The following SEMA4D variants were observed in gnomAD, a reference collection of about 807,000 sequenced individuals.
The protein encoded by SEMA4D is semaphorin 4D.
A neutral mutation model predicts 74.8 loss-of-function variants in SEMA4D; 22 were observed. The observed-to-expected ratio is 0.29, with a 90% CI of 0.21 to 0.42. The LOEUF (loss-of-function observed/expected upper bound fraction) is 0.42, where lower values mean the gene tolerates loss of function less well. Ranked by LOEUF, SEMA4D falls within the 10% of genes least tolerant of loss-of-function variation. SEMA4D has a pLI of 1.00. For missense variants in SEMA4D, 937 were observed against 1,118.4 expected, an observed-to-expected ratio of 0.84 and a Z score of 2.31; for synonymous variants, 445 against 463.7, an observed-to-expected ratio of 0.96 and a Z score of 0.52.
intron 8 of SEMA4D, 85 bp downstream of exon 8, chr9:89,392,338 C>G: frequency 9.0e-7 from 1 of 1,112,896 alleles, no homozygotes; most frequent in Admixed American, 1.9e-5. Context: ...GCCCCCAGGG[C>G]TCAGAGACAG....
At chr9:89,363,364 TGGATGTGGCA>T (rs1435441574) in intron 18 of SEMA4D, 2 of 1,594,732 alleles carry the variant, frequency 1.3e-6, no homozygotes, top group Non-Finnish European at 1.7e-6. Flanking sequence ...AAAGATCCAC[TGGATGTGGCA>T]GGTGCCCTGC....
intron 13 of SEMA4D, chr9:89,385,797 C>T (rs923844153): frequency 3.1e-6 from 2 of 640,376 alleles, no homozygotes; most frequent in Non-Finnish European, 3.9e-6. Flanking sequence ...GCCTGGATCC[C>T]ACAAGGTGGT....
intron 1 of SEMA4D, among the ~76,000 whole-genome samples, chr9:89,496,639 T>A (rs1313861679): frequency 6.6e-6 from 1 of 152,202 alleles, no homozygotes; most frequent in Admixed American, 6.5e-5. Context: ...CAAGACATGA[T>A]ATACGCAGAC....
At chr9:89,456,133 CAGAGGAGGCATCACAGCTAACAGACA>C (rs1241811084) in intron 1 of SEMA4D, among the ~76,000 whole-genome samples, 180 bp from the exon 2 acceptor site, 1 of 152,224 alleles carries the variant, frequency 6.6e-6, no homozygotes, top group Non-Finnish European at 1.5e-5. Context: ...CACGTGAGAC[CAGAGGAGGCATCACAGCTAACAGACA>C]AGGATTATCA....
intron 1 of SEMA4D, among the ~76,000 whole-genome samples, chr9:89,463,657 C>T (rs1413621123): frequency 2.6e-5 from 4 of 152,146 alleles, no homozygotes; most frequent in African/African-American, 9.7e-5. Context: ...AATGGTGGGC[C>T]GGGCATGGTG....
intron 1 of SEMA4D, among the ~76,000 whole-genome samples, chr9:89,456,986 G>C (rs1039162357): frequency 3.3e-5 from 5 of 152,242 alleles, no homozygotes; most frequent in Admixed American, 2.0e-4. Flanking sequence ...AAATGCAAAG[G>C]GCTCCTTCCT....
At chr9:89,369,391 AAGTAT>A (rs1834191637) in intron 16 of SEMA4D, 1 of 152,236 alleles carries the variant, frequency 6.6e-6, no homozygotes, top group South Asian at 2.1e-4. Flanking sequence ...ATGCTGCCTA[AAGTAT>A]GGGGGAACCA....
chr9:89,471,600 GC>G (rs1860268769), intron 1 of SEMA4D, among the ~76,000 whole-genome samples: 1 of 114,800 alleles, frequency 8.7e-6, no homozygotes, highest in Non-Finnish European at 2.1e-5. Context: ...ATGCATGCCA[GC>G]TCAGGTGCAC....
intron 13 of SEMA4D, chr9:89,385,276 A>AT: frequency 1.0e-6 from 1 of 985,396 alleles, no homozygotes; most frequent in Non-Finnish European, 1.2e-6. Flanking sequence ...ATTCTCACGA[A>AT]TGTCCACACC....
chr9:89,478,645 T>C (rs1862361554), intron 1 of SEMA4D, among the ~76,000 whole-genome samples: 1 of 152,106 alleles, frequency 6.6e-6, no homozygotes, highest in African/African-American at 2.4e-5. Flanking sequence ...ACACAGACTA[T>C]GAAAATGTGC....
exon 19 of SEMA4D, chr9:89,362,110 A>C: frequency 1.8e-6 from 1 of 567,632 alleles, no homozygotes; most frequent in Non-Finnish European, 3.2e-6. Context: ...AGCAGCTATC[A>C]AAGCCTGTTA....
intron 6 of SEMA4D, among the ~76,000 whole-genome samples, chr9:89,395,654 T>C (rs185194608): frequency 1.4e-4 from 22 of 152,264 alleles, no homozygotes; most frequent in Middle Eastern, 3.4e-3. Context: ...ACTGAGGGTC[T>C]TACTATCCCC....
At chr9:89,457,660 T>C (rs1856260920) in intron 1 of SEMA4D, among the ~76,000 whole-genome samples, 1 of 150,000 alleles carries the variant, frequency 6.7e-6, no homozygotes, top group African/African-American at 2.5e-5. Context: ...TGAGCCCAGG[T>C]TGTCAAGCAG....
Position 89,466,155 on chromosome 9 carries a change from G to A in SEMA4D, c.-309-10202C>T, listed in dbSNP as rs542805140. Reference sequence around the variant, plus strand: ...AGCCCTGGCCTGGCTAGGGGCTTCCGTAGCACAGTGCCGCAGCTCCTGGGG... The same window carrying A: ...AGCCCTGGCCTGGCTAGGGGCTTCCATAGCACAGTGCCGCAGCTCCTGGGG... On this transcript the variant is annotated intron_variant, in intron 1 of 15. Coordinates refer to ENST00000422704, the MANE Select transcript of SEMA4D (RefSeq NM_001371194.2). Among the ~76,000 whole-genome samples the A allele has an allele frequency of 7.9e-5, 12 of 152,254 alleles. No homozygotes were observed. In the South Asian group the frequency reaches 1.0e-3, roughly 13 times the overall value.
At chr9:89,393,457 A>G (rs931071726) in intron 7 of SEMA4D, 105 bp downstream of exon 7, 11 of 943,860 alleles carry the variant, frequency 1.2e-5, no homozygotes, top group African/African-American at 1.6e-5. Flanking sequence ...CTATTTAAAC[A>G]AAGCCAAGGA....
chr9:89,442,575 C>T (rs924897210), intron 2 of SEMA4D, among the ~76,000 whole-genome samples: 1 of 152,174 alleles, frequency 6.6e-6, no homozygotes, highest in African/African-American at 2.4e-5. Flanking sequence ...CCGGGGTCCT[C>T]TTCCTCTACT....
Position 89,379,338 on chromosome 9 carries a change from G to A in SEMA4D, c.1955C>T (p.Pro652Leu). ...HVLEVKVVPK[P>L]VVAPTLSVVQ... ...AACTGACAAGGTGGGGGCCACTACG[G>A]GCTTTGGAACCACCTTCACTTCCAG... The change falls in exon 16 of 16, where the codon CCC (proline) becomes CTC (leucine). Residue 652 changes from proline (P) to leucine (L), a missense_variant. Transcript: ENST00000422704. The A allele has an allele frequency of 6.2e-7, 1 of 1,614,158 alleles. No homozygotes were observed. The highest frequency in any genetic ancestry group is 8.5e-7 in the Non-Finnish European group (1 of 1,180,028).
intron 2 of SEMA4D, among the ~76,000 whole-genome samples, chr9:89,428,094 C>A (rs182269346): frequency 2.4e-4 from 36 of 152,288 alleles, no homozygotes; most frequent in African/African-American, 6.7e-4. Context: ...AACACCCAGG[C>A]CCTTCTCACC....
At chr9:89,364,972 A>C (rs1423289482) in intron 16 of SEMA4D, 1 of 152,324 alleles carries the variant, frequency 6.6e-6, no homozygotes, top group South Asian at 2.1e-4. Context: ...GGCACAAGTA[A>C]GTTCTGGTCA....
Sources: gnomAD v4.1 joint callset for allele counts (sites outside exome capture counted in the v4.1 genomes callset) on GRCh38, gnomAD v4.1.1 for gene constraint, MANE v1.5 for transcripts, NCBI Gene and HGNC (gene_info 2026-07-23, HGNC 2026-07-21) for gene names.